TECRL: variants seen among roughly 807,000 people sequenced by gnomAD.
The protein encoded by TECRL is trans-2,3-enoyl-CoA reductase-like.
In TECRL, 63 loss-of-function variants were observed where a neutral mutation model predicts 52.8. That is an observed-to-expected ratio of 1.19 (90% CI 0.97 to 1.47). TECRL has a LOEUF of 1.47. Among genes scored for constraint, TECRL ranks in the 40% most tolerant of loss-of-function variants. The pLI, the probability that TECRL is intolerant of heterozygous loss-of-function variation, is 0.00. For missense variants in TECRL, 482 were observed against 429.6 expected (o/e 1.12, Z -1.08); for synonymous variants, 164 against 141.9 (o/e 1.16, Z -1.10).
intron 2 of TECRL, among the ~76,000 whole-genome samples, chr4:64,344,788 T>C (rs1383694960): frequency 2.0e-5 from 3 of 152,218 alleles, no homozygotes; most frequent in African/African-American, 7.2e-5. Context: ...TAGATTTTTA[T>C]TCTCCATCTT....
intron 4 of TECRL, among the ~76,000 whole-genome samples, chr4:64,322,313 T>G (rs1196287787): frequency 1.3e-5 from 2 of 152,196 alleles, no homozygotes; most frequent in East Asian, 3.9e-4. Context: ...CAGGGGCAGC[T>G]TCCAACTGAA....
At chr4:64,365,317 G>A (rs193263224) in intron 2 of TECRL, among the ~76,000 whole-genome samples, 4 of 151,866 alleles carry the variant, frequency 2.6e-5, no homozygotes, top group East Asian at 1.9e-4. Context: ...ACCCGATACC[G>A]TAAACAAGAC....
intron 2 of TECRL, among the ~76,000 whole-genome samples, chr4:64,345,018 C>T (rs1577908186): frequency 6.6e-6 from 1 of 152,120 alleles, no homozygotes; most frequent in Admixed American, 6.5e-5. Context: ...TACCATCTCA[C>T]ACCAGTTAGA....
intron 7 of TECRL, among the ~76,000 whole-genome samples, chr4:64,303,505 T>A (rs973575483): frequency 6.6e-6 from 1 of 151,760 alleles, no homozygotes; most frequent in African/African-American, 2.4e-5. Flanking sequence ...TACTGTTATC[T>A]GTATCTATGC....
intron 5 of TECRL, among the ~76,000 whole-genome samples, chr4:64,312,254 C>T (rs529043084): frequency 5.1e-4 from 77 of 152,136 alleles, no homozygotes; most frequent in South Asian, 1.0e-3. Context: ...AAAACAACAT[C>T]ATCCTGAAAA....
Position 64,406,156 on chromosome 4 carries a change from G to GCA in TECRL, c.234+2961_234+2962insTG, listed in dbSNP as rs1488682142. On this transcript the variant is annotated intron_variant, in intron 1 of 11. Coordinates refer to ENST00000381210, the MANE Select transcript of TECRL (RefSeq NM_001010874.5). Reference sequence around the variant, plus strand: ...GCTTTTTTATTTGTTAGGCGCGCGCGCGCGCGCGCGTGTGTGTGTGTGTGT... The same window carrying GCA: ...GCTTTTTTATTTGTTAGGCGCGCGCGCACGCGCGCGCGTGTGTGTGTGTGTGT... Among the ~76,000 whole-genome samples the GCA allele has an allele frequency of 3.9e-3, 368 of 95,016 alleles. 1 individual carries two copies. Among genetic ancestry groups the GCA allele is most frequent in the African/African-American group, 0.01 (359 of 35,700 alleles). The allele number at this position is 95,016 out of a possible 152,430, so 62.3% of individuals were successfully genotyped here.
chr4:64,281,049 G>T lies in TECRL; in HGVS notation c.956C>A (p.Thr319Lys). Residue 319 changes from threonine to lysine, a missense_variant, in exon 11 of 12, where the codon ACA becomes AAA. Thr to Lys is a moderately conservative substitution (Grantham distance 78). Coordinates refer to ENST00000381210, the MANE Select transcript of TECRL (RefSeq NM_001010874.5). ...GTATATCTAGGTCTTACCTGGCAGT[G>T]TTTGTGTCATGACTGTGAAACTAAT... ...SWISFTVMTQ[T>K]LPVGIFTLLM... 1.2e-6 allele frequency: 2 copies of T among 1,601,570 alleles called. No homozygotes were observed. The highest frequency in any genetic ancestry group is 1.7e-6 in the Non-Finnish European group (2 of 1,171,956).
chr4:64,337,811 T>C (rs369045061), intron 2 of TECRL, among the ~76,000 whole-genome samples: 1 of 152,188 alleles, frequency 6.6e-6, no homozygotes, highest in East Asian at 1.9e-4. Context: ...GAACATTCCA[T>C]GCTCATGGAT....
At chr4:64,368,511 G>A (rs1340084526) in intron 2 of TECRL, among the ~76,000 whole-genome samples, 3 of 152,036 alleles carry the variant, frequency 2.0e-5, no homozygotes, top group African/African-American at 7.2e-5. Flanking sequence ...GACCAGGCTG[G>A]TCTCAAACTC....
chr4:64,277,509 T>A (rs1351363713), downstream of TECRL, among the ~76,000 whole-genome samples: 1 of 151,846 alleles, frequency 6.6e-6, no homozygotes, highest in African/African-American at 2.4e-5. Flanking sequence ...ATTTTAATAG[T>A]ATGCTTTGGG....
intron 3 of TECRL, among the ~76,000 whole-genome samples, chr4:64,324,899 C>A (rs1212628537): frequency 6.6e-6 from 1 of 152,064 alleles, no homozygotes; most frequent in African/African-American, 2.4e-5. Context: ...TTTCTGCTAC[C>A]TGTATAATCC....
Position 64,337,611 on chromosome 4 carries a change from CA to C in TECRL, c.287-9056del, listed in dbSNP as rs1365282883. Among the ~76,000 whole-genome samples the C allele has an allele frequency of 3.9e-5, 6 of 152,234 alleles. No homozygotes were observed. The East Asian group carries it at 1.2e-3, about 29-fold the overall frequency. ...ATACGAAATCAGTAAGCAAAAATCA[CA>C]AGCATTCTTATACACCAATAACAGA... is the stretch of plus-strand genomic sequence containing the variant. On this transcript the variant is annotated intron_variant, in intron 2 of 11. Coordinates refer to ENST00000381210, the MANE Select transcript of TECRL (RefSeq NM_001010874.5).
chr4:64,382,451 C>A (rs1407202332), intron 1 of TECRL, among the ~76,000 whole-genome samples: 1 of 150,242 alleles, frequency 6.7e-6, no homozygotes, highest in Non-Finnish European at 1.5e-5. Context: ...GCTGGATTGG[C>A]CTTTTCATCA....
chr4:64,335,235 G>A (rs951522443), intron 2 of TECRL, among the ~76,000 whole-genome samples: 4 of 152,084 alleles, frequency 2.6e-5, no homozygotes, highest in South Asian at 2.1e-4. Flanking sequence ...TCACATTACC[G>A]TCTGAGCTCT....
intron 2 of TECRL, among the ~76,000 whole-genome samples, chr4:64,347,081 A>C (rs1436720919): frequency 6.6e-6 from 1 of 152,102 alleles, no homozygotes; most frequent in African/African-American, 2.4e-5. Flanking sequence ...GGGCCATATA[A>C]ATGCACGGAT....
intron 2 of TECRL, among the ~76,000 whole-genome samples, chr4:64,361,007 A>T (rs1721149406): frequency 6.6e-6 from 1 of 152,140 alleles, no homozygotes; most frequent in South Asian, 2.1e-4. Context: ...AGCCTTTGTT[A>T]TCTGCTGGAC....
intron 4 of TECRL, among the ~76,000 whole-genome samples, chr4:64,316,031 A>T (rs1717474936): frequency 6.6e-6 from 1 of 151,944 alleles, no homozygotes; most frequent in Non-Finnish European, 1.5e-5. Context: ...GCCACTTGTG[A>T]ATGTGTAATG....
At chr4:64,290,944 A>G (rs1313496197) in intron 8 of TECRL, among the ~76,000 whole-genome samples, 2 of 152,136 alleles carry the variant, frequency 1.3e-5, no homozygotes, top group African/African-American at 2.4e-5. Flanking sequence ...TAATTATCGA[A>G]AAGGCTTTTG....
At chr4:64,334,394 G>A (rs1718896655) in intron 2 of TECRL, among the ~76,000 whole-genome samples, 1 of 152,144 alleles carries the variant, frequency 6.6e-6, no homozygotes, top group African/African-American at 2.4e-5. Flanking sequence ...ACATAATTAA[G>A]TGATCAAGCC....
Sources: gnomAD v4.1 joint callset for allele counts (sites outside exome capture counted in the v4.1 genomes callset) on GRCh38, gnomAD v4.1.1 for gene constraint, MANE v1.5 for transcripts, NCBI Gene and HGNC (gene_info 2026-07-23, HGNC 2026-07-21) for gene names.